Variants in RGS7 observed in about 807,000 individuals in gnomAD.
RGS7 encodes the protein regulator of G-protein signaling 7.
In RGS7, 27 loss-of-function variants were observed where a neutral mutation model predicts 81.1. The observed-to-expected ratio is 0.33, with a 90% confidence interval of 0.25 to 0.46. The LOEUF (loss-of-function observed/expected upper bound fraction) is 0.46. RGS7 is among the 20% of genes least tolerant of loss of function. The probability of loss-of-function intolerance (pLI) is 1.00; values close to 1 mark genes in which losing one functional copy is unlikely to be tolerated. For missense variants in RGS7, 396 were observed against 607.4 expected (o/e 0.65, Z 3.66); for synonymous variants, 208 against 207.7 (o/e 1.00, Z -0.01).
At chr1:240,893,818 C>A (rs1668631360) in intron 6 of RGS7, among the ~76,000 whole-genome samples, 1 of 152,222 alleles carries the variant, frequency 6.6e-6, no homozygotes, top group Non-Finnish European at 1.5e-5. Flanking sequence ...TTTTTCATAA[C>A]TGATATATTA....
At chr1:241,258,829 C>T (rs944174299) in intron 2 of RGS7, among the ~76,000 whole-genome samples, 3 of 152,176 alleles carry the variant, frequency 2.0e-5, no homozygotes, top group Admixed American at 1.3e-4. Context: ...TCTACGCCAA[C>T]GAACTTTGCC....
chr1:240,943,558 T>C (rs16841104), intron 4 of RGS7, among the ~76,000 whole-genome samples: 33,509 of 152,060 alleles, frequency 0.22, 5,702 homozygotes, highest in African/African-American at 0.48. Flanking sequence ...TTGCTCTGGG[T>C]TTCCCAGTCA....
chr1:241,308,740 T>G (rs1461546217), intron 2 of RGS7, among the ~76,000 whole-genome samples: 1 of 152,182 alleles, frequency 6.6e-6, no homozygotes, highest in East Asian at 1.9e-4. Context: ...GAGTCTACTG[T>G]GCGGGGGGCC....
Position 240,868,976 on chromosome 1 carries a change from G to A in RGS7, c.451-124C>T, listed in dbSNP as rs191596705. The A allele has an allele frequency of 3.3e-4, 276 of 847,352 alleles. No homozygotes were observed. The highest frequency in any genetic ancestry group is 6.5e-4 in the Admixed American group (35 of 53,912). 52.5% of individuals were successfully genotyped at this position (847,352 alleles called of 1,614,324 possible). On this transcript the variant is annotated intron_variant, in intron 7 of 18. Transcript: ENST00000440928. This position sits in a 1 kb window ranked among gnomAD's most constrained non-coding sequence, Gnocchi z 5.1. Reference sequence around the variant, plus strand: ...GTTTCTAAAGCCCTAAGTGTACTGTGGTTCTCAATGATAAGTCATGCTCCC... The same window carrying A: ...GTTTCTAAAGCCCTAAGTGTACTGTAGTTCTCAATGATAAGTCATGCTCCC...
At chr1:240,910,800 C>A (rs184612726) in intron 6 of RGS7, among the ~76,000 whole-genome samples, 26 of 152,178 alleles carry the variant, frequency 1.7e-4, no homozygotes, top group Non-Finnish European at 2.1e-4. Flanking sequence ...TCACTGCAAC[C>A]TCCGCCTCCC....
chr1:241,056,301 T>C (rs2061475767), intron 3 of RGS7, among the ~76,000 whole-genome samples: 1 of 152,212 alleles, frequency 6.6e-6, no homozygotes, highest in Admixed American at 6.5e-5. Context: ...AGGCATCTTA[T>C]CTCTAAAGTA....
chr1:240,789,461 A>AT (rs1286715809), intron 18 of RGS7, among the ~76,000 whole-genome samples: 4 of 152,324 alleles, frequency 2.6e-5, no homozygotes, highest in African/African-American at 7.2e-5. Context: ...ACAGAGCCAT[A>AT]TTTCTCTTCT....
At chr1:241,125,531 C>A (rs1322520737) in intron 2 of RGS7, among the ~76,000 whole-genome samples, 1 of 152,140 alleles carries the variant, frequency 6.6e-6, no homozygotes. Flanking sequence ...AGCATCCCTC[C>A]CACTCAGCTT....
intron 6 of RGS7, among the ~76,000 whole-genome samples, chr1:240,910,769 G>A (rs1405831885): frequency 6.6e-6 from 1 of 152,030 alleles, no homozygotes; most frequent in African/African-American, 2.4e-5. Context: ...CCAGGCTGGA[G>A]TGCAGTGGTG....
At chr1:241,178,575 C>A (rs372534930) in intron 2 of RGS7, among the ~76,000 whole-genome samples, 2 of 152,122 alleles carry the variant, frequency 1.3e-5, no homozygotes, top group South Asian at 2.1e-4. Context: ...TACAAGAACA[C>A]AGAAGCCAAG....
At chr1:240,817,813 G>A (rs1691090107) in intron 10 of RGS7, among the ~76,000 whole-genome samples, 1 of 152,168 alleles carries the variant, frequency 6.6e-6, no homozygotes, top group Non-Finnish European at 1.5e-5. Flanking sequence ...ATGTTGGCCA[G>A]GCTGGTCTTG....
intron 3 of RGS7, among the ~76,000 whole-genome samples, chr1:241,034,683 A>G (rs1490072206): frequency 6.6e-6 from 1 of 152,210 alleles, no homozygotes; most frequent in Non-Finnish European, 1.5e-5. Context: ...TATAATTAGC[A>G]CTTGTTTATA....
intron 2 of RGS7, among the ~76,000 whole-genome samples, chr1:241,273,305 T>C (rs2078024676): frequency 6.6e-6 from 1 of 151,366 alleles, no homozygotes; most frequent in African/African-American, 2.4e-5. Flanking sequence ...TTTGAAGACA[T>C]GATAGGACTT....
At chr1:241,075,718 C>A (rs1052228249) in intron 3 of RGS7, among the ~76,000 whole-genome samples, 1 of 152,148 alleles carries the variant, frequency 6.6e-6, no homozygotes, top group Admixed American at 6.5e-5. Flanking sequence ...GACAAGCTTG[C>A]CCTAGATGAT....
At chr1:241,138,177 CAA>C (rs57697166) in intron 2 of RGS7, among the ~76,000 whole-genome samples, 1,502 of 115,382 alleles carry the variant, frequency 0.013, 29 homozygotes, top group East Asian at 0.067. Flanking sequence ...ATCTCAAAAA[CAA>C]AAAAAAAAAA....
At chr1:240,883,115 C>G (rs1254406077) in intron 6 of RGS7, among the ~76,000 whole-genome samples, 2 of 150,178 alleles carry the variant, frequency 1.3e-5, no homozygotes, top group Non-Finnish European at 3.0e-5. Flanking sequence ...TGTGTATGTG[C>G]CACATTTTCT....
chr1:241,229,610 T>C (rs2075531610), intron 2 of RGS7, among the ~76,000 whole-genome samples: 1 of 152,194 alleles, frequency 6.6e-6, no homozygotes, highest in Admixed American at 6.5e-5. Flanking sequence ...CCAGAGATGG[T>C]TTAATAAAAT....
Position 240,967,573 on chromosome 1 carries a change from G to GT in RGS7, c.226+15505_226+15506insA, listed in dbSNP as rs1183398724. Among the ~76,000 whole-genome samples, 8 of 131,314 alleles carry GT rather than the reference G, an allele frequency of 6.1e-5. No individual in the cohort carries two copies. In the East Asian group the frequency reaches 1.7e-3, roughly 29 times the overall value. The allele number at this position is 131,314 out of a possible 152,430, so 86.1% of individuals were successfully genotyped here. A position where few individuals can be genotyped will look rare whatever the true frequency, so the allele number is the denominator to read the frequency against. ...AAAGTGATTGTGCCAAGAAGTGGGG[G>GT]GGGGGGGGAAAAGGCTGTAGCAAGA... On this transcript the variant is annotated intron_variant, in intron 4 of 18. Transcript: ENST00000440928.
At chr1:241,014,194 C>T (rs2059110589) in intron 3 of RGS7, among the ~76,000 whole-genome samples, 1 of 152,156 alleles carries the variant, frequency 6.6e-6, no homozygotes, top group Admixed American at 6.5e-5. Context: ...CTTTCACAAC[C>T]TTTCATTTTC....
Sources: gnomAD v4.1 joint callset for allele counts (sites outside exome capture counted in the v4.1 genomes callset) on GRCh38, gnomAD v4.1.1 for gene constraint, Gnocchi (gnomAD v3.1) non-coding constraint, MANE v1.5 for transcripts, NCBI Gene and HGNC (gene_info 2026-07-23, HGNC 2026-07-21) for gene names.